The following PTPRJ variants were observed in gnomAD, a reference collection of about 807,000 sequenced individuals.
PTPRJ encodes the protein protein tyrosine phosphatase receptor type J.
Under a neutral mutation model 141.3 loss-of-function variants are expected in PTPRJ, and 129 were observed. That is an observed-to-expected ratio of 0.91 (90% CI 0.79 to 1.06). The LOEUF is 1.06. PTPRJ is among the 50% of genes least tolerant of loss of function. PTPRJ has a pLI of 0.00. For missense variants in PTPRJ, 1,601 were observed against 1,679.7 expected (o/e 0.95, Z 0.82); for synonymous variants, 610 against 640.5 (o/e 0.95, Z 0.72).
chr11:48,081,706 G>T (rs768752745), intron 1 of PTPRJ, among the ~76,000 whole-genome samples: 2 of 150,100 alleles, frequency 1.3e-5, no homozygotes, highest in Non-Finnish European at 2.9e-5. Context: ...CGGACTCATT[G>T]TAAGATTCAG....
intron 1 of PTPRJ, among the ~76,000 whole-genome samples, chr11:48,042,785 T>TGTGTGTGTGA (rs1555034428): frequency 5.5e-5 from 8 of 146,342 alleles, no homozygotes; most frequent in African/African-American, 2.0e-4. Flanking sequence ...TGTGTGTGTG[T>TGTGTGTGTGA]GAGAGAGAGA....
Position 48,168,986 on chromosome 11 carries a change from A to G in PTPRJ, c.*1624A>G, listed in dbSNP as rs1857992115. ...TTGCCACAGTAATGTGTCCTGCTGT[A>G]AACAGGACAGGTGTGTCCTGTTGAG... On this transcript the variant is annotated 3_prime_UTR_variant, in exon 25 of 25. Transcript: ENST00000418331. 3 of 152,008 alleles carry G rather than the reference A, an allele frequency of 2.0e-5. No homozygotes were observed. The highest frequency in any genetic ancestry group is 1.3e-4 in the Admixed American group (2 of 15,262). The allele number at this position is 152,008 out of a possible 1,614,324, so 9.4% of individuals were successfully genotyped here.
intron 1 of PTPRJ, among the ~76,000 whole-genome samples, chr11:47,993,386 G>T (rs1222200540): frequency 6.6e-6 from 1 of 152,136 alleles, no homozygotes; most frequent in African/African-American, 2.4e-5. Context: ...TCCACCTCCT[G>T]GGTTTAAGTG....
intron 18 of PTPRJ, among the ~76,000 whole-genome samples, chr11:48,152,849 G>A (rs187020452): frequency 8.5e-5 from 13 of 152,278 alleles, no homozygotes; most frequent in African/African-American, 2.2e-4. Context: ...ATAGTTTGAC[G>A]TCAGCTAGCA....
chr11:48,028,861 G>A (rs1182637269), intron 1 of PTPRJ, among the ~76,000 whole-genome samples: 1 of 152,222 alleles, frequency 6.6e-6, no homozygotes, highest in Non-Finnish European at 1.5e-5. Flanking sequence ...GATTCAGCCT[G>A]TAGCCCACCA....
chr11:48,047,004 C>CT (rs1854423894), intron 1 of PTPRJ, among the ~76,000 whole-genome samples: 2 of 147,950 alleles, frequency 1.4e-5, no homozygotes, highest in Non-Finnish European at 3.0e-5. Context: ...CAACCTCTGC[C>CT]TCCTGGGTTT....
intron 1 of PTPRJ, among the ~76,000 whole-genome samples, chr11:48,011,651 G>A: frequency 6.6e-6 from 1 of 151,952 alleles, no homozygotes; most frequent in Non-Finnish European, 1.5e-5. Flanking sequence ...TAAGTGTCTG[G>A]CACCCTTTTT....
intron 24 of PTPRJ, 111 bp from the exon 25 acceptor site, chr11:48,167,093 G>A (rs1162276117): frequency 3.1e-6 from 3 of 953,808 alleles, no homozygotes; most frequent in Non-Finnish European, 4.8e-6. Context: ...GCTGTTGGGT[G>A]GATGGGGTTT....
chr11:48,123,835 C>T lies in PTPRJ; in HGVS notation c.839C>T (p.Thr280Ile). 1 of 1,614,104 alleles carries T rather than the reference C, an allele frequency of 6.2e-7. No individual in the cohort carries two copies. Among genetic ancestry groups the T allele is most frequent in the Non-Finnish European group, 8.5e-7 (1 of 1,179,960 alleles). Residue 280 changes from threonine (T) to isoleucine (I), a missense_variant, in exon 5 of 25, where the codon ACA becomes ATA. Physicochemically the swap from Thr to Ile is moderately conservative, Grantham distance 89. Transcript: ENST00000418331. ...CCGTATCTTCTACAATCAAATAAGA[C>T]AAAGGGAGACCCCTTGGGCACAGAA... is the stretch of plus-strand genomic sequence containing the variant. ...INPYLLQSNKTKGDPLGTEGG... is the reference protein window; with the variant it reads ...INPYLLQSNKIKGDPLGTEGG...
intron 3 of PTPRJ, among the ~76,000 whole-genome samples, chr11:48,115,958 A>G (rs576590158): frequency 6.6e-6 from 1 of 152,300 alleles, no homozygotes. Flanking sequence ...AGGAATCAAA[A>G]CATACTACTA....
chr11:48,125,766 G>A (rs767752386), intron 6 of PTPRJ, among the ~76,000 whole-genome samples: 7 of 152,200 alleles, frequency 4.6e-5, no homozygotes, highest in Non-Finnish European at 7.3e-5. Flanking sequence ...TGTGTTACTT[G>A]TACAGGGCTA....
At position 48,137,257 on chromosome 11, in the gene PTPRJ, C is replaced by G; in HGVS notation, c.2128C>G (p.Pro710Ala). The G allele has an allele frequency of 6.2e-7, 1 of 1,614,088 alleles. No individual in the cohort carries two copies. The highest frequency in any genetic ancestry group is 1.6e-4 in the Middle Eastern group (1 of 6,062). ...QVGDGIKSLE[P>A]GRKSFCTDPA... ...AGGGGATGGGATCAAGTCACTGGAA[C>G]CTGGCCGGAAGTCATTCTGTACAGG... The change falls in exon 10 of 25, where the codon CCT becomes GCT. Residue 710 changes from proline (P) to alanine (A), a missense_variant. By Grantham distance (27) the Pro-to-Ala change is conservative. Transcript: ENST00000418331.
rs397713247 is a variant in PTPRJ, at chr11:48,049,714, C to CAA, written c.97-60325_97-60324dup. 2.2e-3 allele frequency among the ~76,000 whole-genome samples: 112 copies of CAA among 50,580 alleles called. 1 individual carries two copies. The highest frequency in any genetic ancestry group is 6.5e-3 in the African/African-American group (93 of 14,262). 33.2% of individuals were successfully genotyped at this position (50,580 alleles called of 152,430 possible). A position where few individuals can be genotyped will look rare whatever the true frequency, so the allele number is the denominator to read the frequency against. On this transcript the variant is annotated intron_variant, in intron 1 of 24. Coordinates refer to ENST00000418331, the MANE Select transcript of PTPRJ (RefSeq NM_002843.4). Reference sequence around the variant, plus strand: ...GGGCGACAATAGTGAAACTCTGTCTCAAAAAAAAAAAAAAAAAAAAGAATT... The same window carrying CAA: ...GGGCGACAATAGTGAAACTCTGTCTCAAAAAAAAAAAAAAAAAAAAAAGAATT...
chr11:47,980,709 A>G lies in PTPRJ; in HGVS notation c.-204A>G, dbSNP rs1853875321. On this transcript the variant is annotated 5_prime_UTR_variant, in exon 1 of 25. Coordinates refer to ENST00000418331, the MANE Select transcript of PTPRJ (RefSeq NM_002843.4). ...GCGGCCCCCCCGCGGCAGCCGCGCT[A>G]GGCTCCGGCGTGTGGCCGCGGCCGC... The G allele has an allele frequency of 3.0e-6, 3 of 995,792 alleles. 1 individual carries two copies. The South Asian group carries it at 1.4e-4, about 46-fold the overall frequency. 61.7% of individuals were successfully genotyped at this position (995,792 alleles called of 1,614,324 possible).
chr11:48,160,230 T>G lies in PTPRJ; in HGVS notation c.3558+181T>G, dbSNP rs546757682. Among the ~76,000 whole-genome samples, 3 of 152,364 alleles carry G rather than the reference T, an allele frequency of 2.0e-5. No homozygotes were observed. In the East Asian group the frequency reaches 5.8e-4, roughly 29 times the overall value. On this transcript the variant is annotated intron_variant, in intron 22 of 24. Coordinates refer to ENST00000418331, the MANE Select transcript of PTPRJ (RefSeq NM_002843.4). ...ATACTCCAAGGCAACCCCTTGACTTTTCTGGGAAATTTACTTTCTTGGGAA... is the reference window on the plus strand; with the variant it reads ...ATACTCCAAGGCAACCCCTTGACTTGTCTGGGAAATTTACTTTCTTGGGAA...
chr11:48,086,215 C>G (rs1855704491), intron 1 of PTPRJ, among the ~76,000 whole-genome samples: 1 of 152,122 alleles, frequency 6.6e-6, no homozygotes, highest in Admixed American at 6.5e-5. Context: ...TCTCTGTCGC[C>G]CAGGCTGGAG....
At chr11:48,093,588 C>T (rs1047649733) in intron 1 of PTPRJ, among the ~76,000 whole-genome samples, 11 of 151,948 alleles carry the variant, frequency 7.2e-5, no homozygotes, top group African/African-American at 2.7e-4. Flanking sequence ...AAATGAAACC[C>T]GGAAATGAAG....
intron 1 of PTPRJ, among the ~76,000 whole-genome samples, chr11:48,068,643 G>A (rs922052308): frequency 6.6e-6 from 1 of 152,212 alleles, no homozygotes; most frequent in African/African-American, 2.4e-5. Context: ...GACCTTGGCT[G>A]TAGGGAGTTT....
chr11:48,130,947 T>A (rs528587504), intron 8 of PTPRJ, among the ~76,000 whole-genome samples: 1 of 150,698 alleles, frequency 6.6e-6, no homozygotes, highest in South Asian at 2.1e-4. Flanking sequence ...TATGACATTT[T>A]ACAATTTTTA....
Sources: allele counts gnomAD v4.1 joint callset (sites outside exome capture counted in the v4.1 genomes callset), GRCh38; gene constraint gnomAD v4.1.1; transcripts MANE v1.5; gene names NCBI Gene and HGNC (gene_info 2026-07-23, HGNC 2026-07-21).